The following VPS13B variants were observed in gnomAD, a reference collection of about 807,000 sequenced individuals.
VPS13B encodes intermembrane lipid transfer protein VPS13B.
VPS13B carries 285 observed loss-of-function variants against 426.4 expected under a neutral mutation model. The observed-to-expected ratio is 0.67, with a 90% confidence interval of 0.61 to 0.74. VPS13B has a LOEUF of 0.74. VPS13B is among the 30% of genes least tolerant of loss of function. The probability of loss-of-function intolerance (pLI) is 0.00; values close to 1 mark genes in which losing one functional copy is unlikely to be tolerated. For missense variants in VPS13B, 4,537 were observed against 4,782.6 expected, an observed-to-expected ratio of 0.95 and a Z score of 1.51; for synonymous variants, 1,676 against 1,676.4, an observed-to-expected ratio of 1.00 and a Z score of 0.01.
chr8:99,516,648 C>T lies in VPS13B; in HGVS notation c.4634-4251C>T, dbSNP rs538816249. Among the ~76,000 whole-genome samples the T allele has an allele frequency of 4.3e-4, 65 of 151,518 alleles. 1 individual carries two copies. In the Middle Eastern group the frequency reaches 0.01, roughly 24 times the overall value. ...ACAAAAAATACACAAATTTTCTGGG[C>T]ATGGTGGCCCGGGCTTGTAGTCCCA... On this transcript the variant is annotated intron_variant, in intron 29 of 61. Transcript: ENST00000357162.
chr8:99,269,996 G>A (rs1420090452), intron 17 of VPS13B, among the ~76,000 whole-genome samples: 1 of 151,788 alleles, frequency 6.6e-6, no homozygotes, highest in Admixed American at 6.6e-5. Flanking sequence ...GAGAAATTAT[G>A]ACATTATGTT....
chr8:99,236,036 G>A (rs1816627343), intron 17 of VPS13B, among the ~76,000 whole-genome samples: 1 of 152,140 alleles, frequency 6.6e-6, no homozygotes, highest in Admixed American at 6.5e-5. Context: ...GCAAGAACTG[G>A]TTTGATTTAA....
chr8:99,424,964 G>C (rs1382640974), intron 21 of VPS13B, among the ~76,000 whole-genome samples: 1 of 152,136 alleles, frequency 6.6e-6, no homozygotes, highest in Non-Finnish European at 1.5e-5. Context: ...AGAAAATCTA[G>C]AAGAAATGGA....
At chr8:99,598,887 T>G (rs1827147775) in intron 33 of VPS13B, among the ~76,000 whole-genome samples, 1 of 151,948 alleles carries the variant, frequency 6.6e-6, no homozygotes. Context: ...AAAATTATGA[T>G]TTTTTAAAGT....
chr8:99,813,855 C>T (rs140608234), intron 44 of VPS13B, among the ~76,000 whole-genome samples: 1 of 152,278 alleles, frequency 6.6e-6, no homozygotes, highest in Admixed American at 6.5e-5. Context: ...ATAGTTCATC[C>T]CAGCGTAGTG....
At chr8:99,161,857 C>T (rs1036742890) in intron 15 of VPS13B, among the ~76,000 whole-genome samples, 8 of 151,616 alleles carry the variant, frequency 5.3e-5, no homozygotes, top group African/African-American at 1.5e-4. Context: ...CTCAGCCTCC[C>T]GAGTAGCTAG....
chr8:99,657,379 G>A (rs1027069756), intron 34 of VPS13B, among the ~76,000 whole-genome samples: 11 of 151,782 alleles, frequency 7.2e-5, no homozygotes, highest in African/African-American at 2.7e-4. Context: ...TTGGTAAATA[G>A]TGCTATTTTG....
intron 35 of VPS13B, among the ~76,000 whole-genome samples, chr8:99,668,455 C>G (rs1223028737): frequency 6.6e-6 from 1 of 152,024 alleles, no homozygotes; most frequent in African/African-American, 2.4e-5. Context: ...AACTTCACAG[C>G]TTTTGAAATT....
At chr8:99,586,605 G>T (rs542808803) in intron 33 of VPS13B, among the ~76,000 whole-genome samples, 1 of 152,102 alleles carries the variant, frequency 6.6e-6, no homozygotes, top group Non-Finnish European at 1.5e-5. Context: ...AATTTGAGTG[G>T]TGGTTTTGTG....
intron 33 of VPS13B, among the ~76,000 whole-genome samples, chr8:99,606,624 C>CTTTTTTTTT (rs1193844207): frequency 3.6e-5 from 5 of 137,234 alleles, no homozygotes; most frequent in East Asian, 2.4e-4. Flanking sequence ...TTTTCTTTTT[C>CTTTTTTTTT]TTTTCTTTTT....
chr8:99,344,824 A>G (rs1247441895), intron 19 of VPS13B, among the ~76,000 whole-genome samples: 5 of 151,792 alleles, frequency 3.3e-5, no homozygotes, highest in East Asian at 1.9e-4. Flanking sequence ...AATTTTTTAT[A>G]TAATGAGTTT....
At chr8:99,233,603 G>C in intron 17 of VPS13B, 1 of 1,197,434 alleles carries the variant, frequency 8.4e-7, no homozygotes. Flanking sequence ...ATTTTCAAAG[G>C]CCTCACGCAG....
In VPS13B at chr8:99,875,678, G is replaced by T; in HGVS notation, c.*12G>T. ...AAGGGTTTCCTTGAGTCCCCTCTGAGGTGTTTATTCCTGCTTGTGTGATTT... is the reference window on the plus strand; with the variant it reads ...AAGGGTTTCCTTGAGTCCCCTCTGATGTGTTTATTCCTGCTTGTGTGATTT... On this transcript the variant is annotated 3_prime_UTR_variant, in exon 62 of 62. Transcript: ENST00000357162. 2 of 1,613,848 alleles carry T rather than the reference G, an allele frequency of 1.2e-6. No homozygotes were observed. Among genetic ancestry groups the T allele is most frequent in the Non-Finnish European group, 1.7e-6 (2 of 1,180,010 alleles).
chr8:99,750,382 T>C (rs192696167), intron 39 of VPS13B, among the ~76,000 whole-genome samples: 40 of 152,282 alleles, frequency 2.6e-4, no homozygotes, highest in African/African-American at 9.4e-4. Context: ...GGCCCATTTA[T>C]ATTACTTCCT....
chr8:99,562,678 T>C (rs1341285675), intron 31 of VPS13B, among the ~76,000 whole-genome samples: 1 of 152,180 alleles, frequency 6.6e-6, no homozygotes, highest in East Asian at 1.9e-4. Context: ...AGATATATGA[T>C]TTAGAAATTT....
In VPS13B at chr8:99,480,519, G is replaced by A. The variant is rs573060246; in HGVS notation, c.3667-1080G>A. 2.6e-5 allele frequency among the ~76,000 whole-genome samples: 4 copies of A among 152,060 alleles called. No homozygotes were observed. The East Asian group carries it at 5.8e-4, about 22-fold the overall frequency. ...TTAAAAACTGGTTTGCAACAAAATT[G>A]TTTCTCTATAGAGAGAAACATTCAT... On this transcript the variant is annotated intron_variant, in intron 24 of 61. Coordinates refer to ENST00000357162, the MANE Select transcript of VPS13B (RefSeq NM_152564.5).
chr8:99,313,913 C>T (rs780937252), intron 19 of VPS13B, among the ~76,000 whole-genome samples: 4 of 152,072 alleles, frequency 2.6e-5, no homozygotes, highest in Non-Finnish European at 5.9e-5. Context: ...AGATGGATTT[C>T]AGACTGCTGT....
intron 17 of VPS13B, among the ~76,000 whole-genome samples, chr8:99,202,827 A>T (rs568078194): frequency 6.6e-6 from 1 of 152,190 alleles, no homozygotes; most frequent in South Asian, 2.1e-4. Flanking sequence ...CAGGAGATCG[A>T]GACCATCCTG....
In VPS13B at chr8:99,191,643, G is replaced by C. The variant is rs542980327; in HGVS notation, c.2334-1233G>C. On this transcript the variant is annotated intron_variant, in intron 16 of 61. Transcript: ENST00000357162. ...GTGATCCGCCCGCCTCGGCCTCCCA[G>C]AGTGCTGGGATTACAGGTGTGAGCC... Among the ~76,000 whole-genome samples, 7 of 151,808 alleles carry C rather than the reference G, an allele frequency of 4.6e-5. No homozygotes were observed. The South Asian group carries it at 1.0e-3, about 23-fold the overall frequency.
Sources: gnomAD v4.1 joint callset for allele counts (sites outside exome capture counted in the v4.1 genomes callset) on GRCh38, gnomAD v4.1.1 for gene constraint, MANE v1.5 for transcripts, NCBI Gene and HGNC (gene_info 2026-07-23, HGNC 2026-07-21) for gene names.